Variants in INTS15 observed in about 807,000 individuals in gnomAD.
INTS15 encodes the protein uncharacterized protein C7orf26.
the INTS15 span, among the ~76,000 whole-genome samples, chr7:6,605,317 A>G: frequency 6.6e-6 from 1 of 152,080 alleles, no homozygotes; most frequent in South Asian, 2.1e-4. Flanking sequence ...TCTGGGTTCT[A>G]GAAGTTTCCA....
At chr7:6,606,475 G>A in the INTS15 span, among the ~76,000 whole-genome samples, 1 of 152,142 alleles carries the variant, frequency 6.6e-6, no homozygotes, top group Non-Finnish European at 1.5e-5. Flanking sequence ...GCTAAGTGAC[G>A]GGGTGTGAGT....
the INTS15 span, chr7:6,594,685 C>T: frequency 1.6e-6 from 2 of 1,266,886 alleles, no homozygotes; most frequent in South Asian, 1.3e-5. Flanking sequence ...GGTGAAGTGT[C>T]CAGTGAATGC....
chr7:6,607,945 T>C, the INTS15 span: 10 of 1,598,652 alleles, frequency 6.3e-6, no homozygotes, highest in Non-Finnish European at 8.5e-6. The surrounding 1 kb of genome is among the most constrained non-coding windows in gnomAD (Gnocchi z 6.0). Flanking sequence ...CTGACGCTTA[T>C]GCTTGTGTTC....
At chr7:6,592,609 CTTTTTCTTTTTT>C in the INTS15 span, among the ~76,000 whole-genome samples, 1 of 147,662 alleles carries the variant, frequency 6.8e-6, no homozygotes, top group East Asian at 2.0e-4. Flanking sequence ...GTTTTTTTTT[CTTTTTCTTTTTT>C]TTTTTCTGAC....
chr7:6,591,622 G>A, the INTS15 span: 5 of 1,602,474 alleles, frequency 3.1e-6, no homozygotes, highest in South Asian at 1.1e-5. Flanking sequence ...ATTTCTTAAC[G>A]CTTTTCCGGG....
chr7:6,598,978 G>A, the INTS15 span, among the ~76,000 whole-genome samples: 2 of 151,918 alleles, frequency 1.3e-5, no homozygotes, highest in Admixed American at 6.6e-5. Context: ...TGTAGAGACT[G>A]GGTCTCACTA....
the INTS15 span, chr7:6,590,508 C>A: frequency 1.5e-4 from 227 of 1,514,180 alleles, no homozygotes; most frequent in Non-Finnish European, 2.0e-4. Context: ...TCCCGGGCCC[C>A]GCAGGCGGGC....
chr7:6,607,898 C>G, the INTS15 span: 1 of 1,585,890 alleles, frequency 6.3e-7, no homozygotes, highest in African/African-American at 1.3e-5. This position sits in a 1 kb window ranked among gnomAD's most constrained non-coding sequence, Gnocchi z 6.0. Context: ...GGTCAGCCTA[C>G]CGTGCGCACC....
the INTS15 span, among the ~76,000 whole-genome samples, chr7:6,598,346 A>G: frequency 1.3e-5 from 2 of 151,942 alleles, no homozygotes; most frequent in African/African-American, 4.8e-5. Context: ...GCAGGCGCCT[A>G]TAGTCCCAGC....
chr7:6,605,427 A>G, the INTS15 span, among the ~76,000 whole-genome samples: 2 of 152,086 alleles, frequency 1.3e-5, no homozygotes, highest in Non-Finnish European at 1.5e-5. Context: ...TTTATTTAAC[A>G]TTTTAATGTT....
chr7:6,594,296 A>T, the INTS15 span: 1 of 824,990 alleles, frequency 1.2e-6, no homozygotes, highest in Non-Finnish European at 1.9e-6. Flanking sequence ...ATGAGCCACC[A>T]CACTCGGCCC....
chr7:6,601,280 G>A, the INTS15 span, among the ~76,000 whole-genome samples: 1 of 151,402 alleles, frequency 6.6e-6, no homozygotes, highest in Non-Finnish European at 1.5e-5. Flanking sequence ...TTTTATTGAG[G>A]CATAATTTAT....
At chr7:6,599,931 C>T in the INTS15 span, 1 of 1,614,224 alleles carries the variant, frequency 6.2e-7, no homozygotes, top group South Asian at 1.1e-5. Context: ...CCGATTGCGG[C>T]CAATCTGCCA....
the INTS15 span, among the ~76,000 whole-genome samples, chr7:6,607,101 G>A: frequency 6.6e-6 from 1 of 151,996 alleles, no homozygotes; most frequent in South Asian, 2.1e-4. The surrounding 1 kb of genome is among the most constrained non-coding windows in gnomAD (Gnocchi z 6.0). Context: ...GGGGTGATGA[G>A]CCAAGCCAGG....
chr7:6,607,898 C>T, the INTS15 span: 43 of 1,585,890 alleles, frequency 2.7e-5, no homozygotes, highest in African/African-American at 4.7e-4. The surrounding 1 kb of genome is among the most constrained non-coding windows in gnomAD (Gnocchi z 6.0). Flanking sequence ...GGTCAGCCTA[C>T]CGTGCGCACC....
the INTS15 span, among the ~76,000 whole-genome samples, chr7:6,604,722 G>A: frequency 3.3e-5 from 5 of 152,324 alleles, no homozygotes; most frequent in Admixed American, 6.5e-5. Context: ...GGGTTCAGCC[G>A]GATGCTGGTC....
chr7:6,604,497 T>C, the INTS15 span, among the ~76,000 whole-genome samples: 1 of 152,102 alleles, frequency 6.6e-6, no homozygotes, highest in African/African-American at 2.4e-5. Flanking sequence ...TTAGTAATGT[T>C]CTTCCTTCAG....
chr7:6,593,286 G>A, the INTS15 span, among the ~76,000 whole-genome samples: 5,150 of 148,812 alleles, frequency 0.035, 103 homozygotes, highest in Middle Eastern at 0.05. Context: ...GTGAAATTTT[G>A]TTAACAAAAA....
At chr7:6,608,026 C>A in the INTS15 span, 2 of 1,600,296 alleles carry the variant, frequency 1.2e-6, no homozygotes, top group Non-Finnish European at 1.7e-6. Flanking sequence ...CCCCGGGGTT[C>A]TACCCCCACA....
Sources: gnomAD v4.1 joint callset for allele counts (sites outside exome capture counted in the v4.1 genomes callset) on GRCh38, gnomAD v4.1.1 for gene constraint, Gnocchi (gnomAD v3.1) non-coding constraint, MANE v1.5 for transcripts, NCBI Gene and HGNC (gene_info 2026-07-23, HGNC 2026-07-21) for gene names.